HEXA: variants seen among roughly 807,000 people sequenced by gnomAD.
HEXA encodes the protein beta-hexosaminidase subunit alpha.
A neutral mutation model predicts 73.3 loss-of-function variants in HEXA; 54 were observed. That is an observed-to-expected ratio of 0.74 (90% CI 0.59 to 0.92). HEXA has a LOEUF of 0.92. HEXA is among the 40% of genes least tolerant of loss of function. The pLI is 0.00. For synonymous variants in HEXA, 230 were observed against 246.9 expected (o/e 0.93, Z 0.64); for missense variants, 649 against 653.0 (o/e 0.99, Z 0.07).
chr15:72,346,151 G>C, intron 12 of HEXA, 84 bp downstream of exon 12: 2 of 929,344 alleles, frequency 2.2e-6, no homozygotes, highest in Non-Finnish European at 3.5e-6. Context: ...TACTAGTCCA[G>C]AGGTGGCTAG....
At position 72,343,026 on chromosome 15, in the gene HEXA, C is replaced by A. The variant is rs1392597735; in HGVS notation, c.*1051G>T. On this transcript the variant is annotated 3_prime_UTR_variant, in exon 14 of 14. Transcript: ENST00000268097. ...CACGAGGTCAGGAGATCGAGACCAT[C>A]CTGGCTAACACGGAGAAACCCCATC... The A allele has an allele frequency of 1.3e-5, 2 of 152,186 alleles. No homozygotes were observed. The highest frequency in any genetic ancestry group is 2.9e-5 in the Non-Finnish European group (2 of 68,056). 9.4% of individuals were successfully genotyped at this position (152,186 alleles called of 1,614,324 possible). A position where few individuals can be genotyped will look rare whatever the true frequency, so the allele number is the denominator to read the frequency against.
chr15:72,364,623 T>C (rs760313407), intron 1 of HEXA, among the ~76,000 whole-genome samples: 7 of 152,176 alleles, frequency 4.6e-5, no homozygotes, highest in Non-Finnish European at 1.0e-4. Flanking sequence ...AGAAAAGTTT[T>C]GGTTTTGATA....
intron 1 of HEXA, among the ~76,000 whole-genome samples, chr15:72,366,190 T>C (rs1185175418): frequency 2.0e-5 from 3 of 152,230 alleles, no homozygotes; most frequent in African/African-American, 7.2e-5. Flanking sequence ...GGGTCATCCA[T>C]TCCACCACCA....
chr15:72,351,012 C>G lies in HEXA; in HGVS notation c.672+121G>C, dbSNP rs1023125389. On this transcript the variant is annotated intron_variant, in intron 6 of 13. Coordinates refer to ENST00000268097, the MANE Select transcript of HEXA (RefSeq NM_000520.6). ...GTCTCCTGACTCCAAATCCAGTGTC[C>G]TTCCCCTATATTGGTCTAAAACTGG... 3.8e-5 allele frequency: 28 copies of G among 740,166 alleles called. No individual in the cohort carries two copies. In the Middle Eastern group the frequency reaches 6.8e-4, roughly 18 times the overall value. The allele number at this position is 740,166 out of a possible 1,614,324, so 45.8% of individuals were successfully genotyped here. A position where few individuals can be genotyped will look rare whatever the true frequency, so the allele number is the denominator to read the frequency against.
At chr15:72,367,568 G>C (rs1201497034) in intron 1 of HEXA, among the ~76,000 whole-genome samples, 1 of 152,184 alleles carries the variant, frequency 6.6e-6, no homozygotes, top group African/African-American at 2.4e-5. Flanking sequence ...TGTAGCTAGA[G>C]TTTAGTCACA....
At chr15:72,347,647 C>T (rs183282852) in intron 10 of HEXA, 39 bp downstream of exon 10, 1 of 1,516,502 alleles carries the variant, frequency 6.6e-7, no homozygotes, top group Non-Finnish European at 9.2e-7. Flanking sequence ...CAGAGGGAGG[C>T]ACTGCTGGTG....
chr15:72,350,453 G>A, intron 7 of HEXA, 65 bp downstream of exon 7: 10 of 1,553,730 alleles, frequency 6.4e-6, no homozygotes, highest in Non-Finnish European at 8.0e-6. Flanking sequence ...CCATGAGCCA[G>A]TGCCCTGAAG....
In HEXA at chr15:72,360,698, C is replaced by T. The variant is rs142632739; in HGVS notation, c.254-4081G>A. Reference sequence around the variant, plus strand: ...CTCCCTAGAGGAAATGTAGCCTGGGCAGCTAAGGACCTGAACTCCAAAGGA... The same window carrying T: ...CTCCCTAGAGGAAATGTAGCCTGGGTAGCTAAGGACCTGAACTCCAAAGGA... On this transcript the variant is annotated intron_variant, in intron 1 of 13. Coordinates refer to ENST00000268097, the MANE Select transcript of HEXA (RefSeq NM_000520.6). 7.4e-3 allele frequency among the ~76,000 whole-genome samples: 1,123 copies of T among 152,308 alleles called. 6 individuals carry two copies. The highest frequency in any genetic ancestry group is 0.011 in the Admixed American group (170 of 15,300).
At chr15:72,349,919 A>G (rs977471295) in intron 7 of HEXA, among the ~76,000 whole-genome samples, 2 of 152,018 alleles carry the variant, frequency 1.3e-5, no homozygotes, top group African/African-American at 4.8e-5. Flanking sequence ...GCCTGCCACC[A>G]CGCCTGGCTA....
chr15:72,357,054 T>C (rs930699936), intron 1 of HEXA: 4 of 304,764 alleles, frequency 1.3e-5, no homozygotes, highest in Non-Finnish European at 2.6e-5. Flanking sequence ...AGCCTGAATG[T>C]AAATCAATTA....
chr15:72,371,605 A>G (rs11636684), intron 1 of HEXA, among the ~76,000 whole-genome samples: 96,253 of 148,302 alleles, frequency 0.65, 37,810 homozygotes, highest in South Asian at 0.86. Flanking sequence ...AAAAAAAAAA[A>G]AAAAAAAAGA....
chr15:72,353,067 C>G lies in HEXA; in HGVS notation c.570+1G>C. ...TGAAGAAGGCCTTAAGGCCTGGTTA[C>G]CAGAGTGTCCAGGATGCTAGAGAGT... On this transcript the variant is annotated splice_donor_variant, in intron 5 of 13. Transcript: ENST00000268097. LOFTEE classifies it high-confidence loss of function. The G allele has an allele frequency of 6.3e-7, 1 of 1,587,706 alleles. No individual in the cohort carries two copies. The highest frequency in any genetic ancestry group is 8.7e-7 in the Non-Finnish European group (1 of 1,155,924).
chr15:72,356,191 C>T (rs1286729362), intron 2 of HEXA, among the ~76,000 whole-genome samples: 10 of 152,100 alleles, frequency 6.6e-5, no homozygotes, highest in Non-Finnish European at 1.2e-4. Context: ...GTATAAGTGA[C>T]CAGAACCCCT....
rs62022858 is a variant in HEXA at position 72,348,492 on chromosome 15, C to T, written c.987-358G>A. On this transcript the variant is annotated intron_variant, in intron 8 of 13. Coordinates refer to ENST00000268097, the MANE Select transcript of HEXA (RefSeq NM_000520.6). Reference sequence around the variant, plus strand: ...TCTGCTCTTCCAGTTGGATGACAAGCCTTGCTGTCTAACACCTGCTGCAGA... The same window carrying T: ...TCTGCTCTTCCAGTTGGATGACAAGTCTTGCTGTCTAACACCTGCTGCAGA... Among the ~76,000 whole-genome samples the T allele has an allele frequency of 4.2e-3, 634 of 152,354 alleles. 4 individuals carry two copies. Among genetic ancestry groups the T allele is most frequent in the Admixed American group, 5.2e-3 (80 of 15,306 alleles).
In HEXA at chr15:72,352,937, T is replaced by C. The variant is rs148388819; in HGVS notation, c.570+131A>G. On this transcript the variant is annotated intron_variant, in intron 5 of 13. Transcript: ENST00000268097. ...CCTCGGCCTCCCAAAGTGTTGGGAT[T>C]ACAGGCATGAGCCACCACACCCAGT... The C allele has an allele frequency of 2.1e-3, 1,420 of 691,988 alleles. 9 individuals carry two copies. The highest frequency in any genetic ancestry group is 0.02 in the African/African-American group (1,132 of 56,694). 42.9% of individuals were successfully genotyped at this position (691,988 alleles called of 1,614,324 possible). A position where few individuals can be genotyped will look rare whatever the true frequency, so the allele number is the denominator to read the frequency against.
At chr15:72,350,425 G>C in intron 7 of HEXA, 93 bp downstream of exon 7, 1 of 1,334,618 alleles carries the variant, frequency 7.5e-7, no homozygotes, top group Admixed American at 1.7e-5. Flanking sequence ...TAAGGACCAA[G>C]GCTGGGATAT....
At chr15:72,364,111 A>G (rs1485708454) in intron 1 of HEXA, among the ~76,000 whole-genome samples, 1 of 151,976 alleles carries the variant, frequency 6.6e-6, no homozygotes, top group African/African-American at 2.4e-5. Context: ...CTCTACTAAA[A>G]ATACAAAAAT....
chr15:72,348,323 C>T (rs2088647327), intron 8 of HEXA, among the ~76,000 whole-genome samples, 189 bp from the exon 9 acceptor site: 1 of 152,186 alleles, frequency 6.6e-6, no homozygotes, highest in Non-Finnish European at 1.5e-5. Context: ...GCTGTTGACA[C>T]AGGCTGAGAA....
Position 72,353,757 on chromosome 15 carries a change from C to T in HEXA, c.413-20G>A. The T allele has an allele frequency of 6.3e-7, 1 of 1,587,436 alleles. No individual in the cohort carries two copies. The highest frequency in any genetic ancestry group is 8.7e-7 in the Non-Finnish European group (1 of 1,155,788). On this transcript the variant is annotated intron_variant, in intron 3 of 13. Coordinates refer to ENST00000268097, the MANE Select transcript of HEXA (RefSeq NM_000520.6). ...CCAGACCTAGGAAGATGTAGAGAGG[C>T]AGAGTAAAGACTCAGGGAGTGGAAA...
Sources: allele counts gnomAD v4.1 joint callset (sites outside exome capture counted in the v4.1 genomes callset), GRCh38; gene constraint gnomAD v4.1.1; transcripts MANE v1.5; gene names NCBI Gene and HGNC (gene_info 2026-07-23, HGNC 2026-07-21).